Variants in TAFA1 observed in about 807,000 individuals in gnomAD.
TAFA1 encodes chemokine-like protein TAFA-1.
In TAFA1, 4 loss-of-function variants were observed where a neutral mutation model predicts 18.5. That is an observed-to-expected ratio of 0.22 (90% CI 0.11 to 0.49). The LOEUF (loss-of-function observed/expected upper bound fraction) is 0.49, where lower values mean the gene tolerates loss of function less well. TAFA1 is among the 20% of genes least tolerant of loss of function. The probability of loss-of-function intolerance (pLI) is 0.98; values close to 1 mark genes in which losing one functional copy is unlikely to be tolerated. For synonymous variants in TAFA1, 56 were observed against 55.2 expected (o/e 1.01, Z -0.06); for missense variants, 147 against 169.0 (o/e 0.87, Z 0.72).
chr3:68,531,462 G>T (rs921555928), intron 3 of TAFA1, among the ~76,000 whole-genome samples: 1 of 152,066 alleles, frequency 6.6e-6, no homozygotes, highest in African/African-American at 2.4e-5. Flanking sequence ...CTTACTTCTG[G>T]GTGGTTGTGT....
intron 2 of TAFA1, among the ~76,000 whole-genome samples, chr3:68,318,524 G>C (rs2068642646): frequency 1.3e-5 from 2 of 152,118 alleles, no homozygotes; most frequent in Non-Finnish European, 2.9e-5. Context: ...CAAAGCTTAG[G>C]TTGCACTGCA....
At position 68,486,785 on chromosome 3, in the gene TAFA1, G is replaced by T. The variant is rs140275109; in HGVS notation, c.260-51971G>T. Among the ~76,000 whole-genome samples the T allele has an allele frequency of 3.6e-3, 553 of 152,176 alleles. 3 individuals are homozygous for T. Among genetic ancestry groups the T allele is most frequent in the African/African-American group, 0.013 (539 of 41,510 alleles). On this transcript the variant is annotated intron_variant, in intron 3 of 4. Transcript: ENST00000478136. ...AATTACCTGGATGTCTTGATATCTG[G>T]GCACATACACAACTGAGCTACCCAC...
At chr3:68,043,034 G>A (rs934912518) in intron 2 of TAFA1, among the ~76,000 whole-genome samples, 12 of 152,002 alleles carry the variant, frequency 7.9e-5, no homozygotes, top group Admixed American at 6.6e-5. Context: ...ACAGGTGCCC[G>A]CCACCATGCT....
chr3:68,286,141 G>A (rs1341722662), intron 2 of TAFA1, among the ~76,000 whole-genome samples: 1 of 152,116 alleles, frequency 6.6e-6, no homozygotes, highest in Non-Finnish European at 1.5e-5. Context: ...AACCTGGGAG[G>A]CGGATGCTGC....
intron 2 of TAFA1, among the ~76,000 whole-genome samples, chr3:68,154,016 C>T (rs1288867799): frequency 1.3e-5 from 2 of 152,100 alleles, no homozygotes; most frequent in African/African-American, 4.8e-5. Flanking sequence ...GTAATTAATG[C>T]TAGCCAGCTT....
intron 2 of TAFA1, among the ~76,000 whole-genome samples, chr3:68,174,442 A>T (rs920415024): frequency 6.6e-6 from 1 of 152,054 alleles, no homozygotes; most frequent in Non-Finnish European, 1.5e-5. Context: ...AAAAATGCTG[A>T]TAGTGACATG....
intron 2 of TAFA1, among the ~76,000 whole-genome samples, chr3:68,266,350 G>T (rs533583386): frequency 2.2e-4 from 33 of 152,250 alleles, no homozygotes; most frequent in Non-Finnish European, 4.6e-4. Flanking sequence ...CACAAGGGTT[G>T]TGAAGTTGAA....
chr3:68,149,879 A>C (rs144563829), intron 2 of TAFA1, among the ~76,000 whole-genome samples: 12 of 152,292 alleles, frequency 7.9e-5, no homozygotes, highest in Non-Finnish European at 1.8e-4. Flanking sequence ...ATTGACAAGG[A>C]AATAGAAGTT....
At chr3:68,439,563 T>C (rs1447198106) in intron 3 of TAFA1, among the ~76,000 whole-genome samples, 1 of 151,248 alleles carries the variant, frequency 6.6e-6, no homozygotes, top group African/African-American at 2.4e-5. Flanking sequence ...AATCCGATGT[T>C]TGAGGGCAGG....
At position 68,175,432 on chromosome 3, in the gene TAFA1, C is replaced by T. The variant is rs116611183; in HGVS notation, c.118+168688C>T. Among the ~76,000 whole-genome samples the T allele has an allele frequency of 4.8e-3, 732 of 152,302 alleles. 29 individuals are homozygous for T. In the East Asian group the frequency reaches 0.091, roughly 19 times the overall value. ...TCTGTACCCTGCACAACCACAAGGG[C>T]GGAGTTGTCCAAGACTATGGGAACC... is the stretch of plus-strand genomic sequence containing the variant. On this transcript the variant is annotated intron_variant, in intron 2 of 4. Transcript: ENST00000478136.
At chr3:68,189,551 C>T (rs1216863725) in intron 2 of TAFA1, among the ~76,000 whole-genome samples, 2 of 151,798 alleles carry the variant, frequency 1.3e-5, no homozygotes, top group South Asian at 2.1e-4. Flanking sequence ...CTTCCCACTT[C>T]CAGCTCTGGG....
intron 2 of TAFA1, among the ~76,000 whole-genome samples, chr3:68,277,183 A>G (rs75163884): frequency 0.027 from 4,048 of 152,254 alleles, 183 homozygotes; most frequent in African/African-American, 0.091. Context: ...ACCTTTATTC[A>G]TACCAGAATC....
intron 2 of TAFA1, among the ~76,000 whole-genome samples, chr3:68,257,123 C>T (rs1391708938): frequency 1.3e-5 from 2 of 152,102 alleles, no homozygotes; most frequent in African/African-American, 4.8e-5. Context: ...TTTCCAGCCT[C>T]AGGGTATTTG....
At chr3:68,457,423 C>T (rs534289000) in intron 3 of TAFA1, among the ~76,000 whole-genome samples, 1 of 152,238 alleles carries the variant, frequency 6.6e-6, no homozygotes, top group African/African-American at 2.4e-5. Flanking sequence ...TTCTAGGCTA[C>T]GTAGTTCATC....
At chr3:68,231,911 T>C (rs1011333809) in intron 2 of TAFA1, among the ~76,000 whole-genome samples, 1 of 152,154 alleles carries the variant, frequency 6.6e-6, no homozygotes, top group Non-Finnish European at 1.5e-5. Context: ...GGAAAAGCCA[T>C]ACATTTTTTC....
At chr3:67,998,411 C>A in the TAFA1 span, among the ~76,000 whole-genome samples, 1 of 152,178 alleles carries the variant, frequency 6.6e-6, no homozygotes, top group Non-Finnish European at 1.5e-5. Flanking sequence ...CACCCTCCCC[C>A]ACTGCATGCA....
At position 68,432,485 on chromosome 3, in the gene TAFA1, A is replaced by G. The variant is rs80333162; in HGVS notation, c.259+15065A>G. 6.9e-3 allele frequency among the ~76,000 whole-genome samples: 1,047 copies of G among 152,162 alleles called. 13 individuals carry two copies. Among genetic ancestry groups the G allele is most frequent in the African/African-American group, 0.024 (1,007 of 41,568 alleles). ...GTGCATTTCTAGAGCTTAAGATAAG[A>G]AATCATGCAATTTTGATTGTAATGC... On this transcript the variant is annotated intron_variant, in intron 3 of 4. Coordinates refer to ENST00000478136, the MANE Select transcript of TAFA1 (RefSeq NM_213609.4).
At chr3:68,520,388 G>A (rs867118802) in intron 3 of TAFA1, among the ~76,000 whole-genome samples, 1 of 151,902 alleles carries the variant, frequency 6.6e-6, no homozygotes, top group African/African-American at 2.4e-5. Flanking sequence ...TTTTTCTTTT[G>A]ATGGCTGATG....
At chr3:68,544,383 A>G in intron 4 of TAFA1, 103 bp from the exon 5 acceptor site, 1 of 1,185,014 alleles carries the variant, frequency 8.4e-7, no homozygotes. Context: ...AAAAAGCAAC[A>G]TCCTAAAGAT....
Sources: allele counts gnomAD v4.1 joint callset (sites outside exome capture counted in the v4.1 genomes callset), GRCh38; gene constraint gnomAD v4.1.1; transcripts MANE v1.5; gene names NCBI Gene and HGNC (gene_info 2026-07-23, HGNC 2026-07-21).